The following ELOVL7 variants were observed in gnomAD, a reference collection of about 807,000 sequenced individuals.
The protein encoded by ELOVL7 is ELOVL fatty acid elongase 7.
ELOVL7 carries 27 observed loss-of-function variants against 35.7 expected under a neutral mutation model. The observed-to-expected ratio is 0.76, with a 90% CI of 0.56 to 1.04. The LOEUF (loss-of-function observed/expected upper bound fraction) is 1.04. Ranked by LOEUF, ELOVL7 falls within the 50% of genes least tolerant of loss-of-function variation. ELOVL7 has a pLI of 0.00. For missense variants in ELOVL7, 327 were observed against 340.8 expected (o/e 0.96, Z 0.32); for synonymous variants, 113 against 114.6 (o/e 0.99, Z 0.09).
chr5:60,760,129 T>C (rs1016814850), intron 7 of ELOVL7, among the ~76,000 whole-genome samples: 10 of 152,214 alleles, frequency 6.6e-5, no homozygotes, highest in Middle Eastern at 3.2e-3. Context: ...AGCAGCATGA[T>C]TTATAGTCCT....
intron 1 of ELOVL7, among the ~76,000 whole-genome samples, chr5:60,825,247 G>C (rs912413172): frequency 3.3e-5 from 5 of 152,028 alleles, no homozygotes; most frequent in Non-Finnish European, 7.4e-5. Flanking sequence ...AACACACCAA[G>C]AATGCCCTGC....
In ELOVL7 at chr5:60,754,805, A is replaced by C. The variant is rs1400067550; in HGVS notation, c.665T>G (p.Ile222Arg). The C allele has an allele frequency of 4.3e-6, 7 of 1,614,060 alleles. No individual in the cohort carries two copies. The East Asian group carries it at 1.1e-4, about 26-fold the overall frequency. The change falls in exon 9 of 9, where the codon ATA (isoleucine) becomes AGA (arginine). Residue 222 changes from isoleucine (I) to arginine (R), a missense_variant. Ile to Arg is a moderately conservative substitution (Grantham distance 97). Transcript: ENST00000508821. ...LVQFVIVAIH[I>R]SQFFFMEDCK... ...ATCCTCCATGAAAAAGAACTGGCTT[A>C]TGTGGATGGCGACAATAACAAACTG...
intron 4 of ELOVL7, among the ~76,000 whole-genome samples, chr5:60,769,946 G>A (rs972182806): frequency 1.3e-5 from 2 of 152,022 alleles, no homozygotes; most frequent in African/African-American, 4.8e-5. Flanking sequence ...AGCTACTTGG[G>A]AGGCTGAGGT....
At chr5:60,814,719 G>A (rs1360445443) in intron 1 of ELOVL7, among the ~76,000 whole-genome samples, 1 of 152,198 alleles carries the variant, frequency 6.6e-6, no homozygotes, top group Non-Finnish European at 1.5e-5. Flanking sequence ...TAGAGGAAGT[G>A]TTCAAAGTTC....
At chr5:60,796,528 A>G (rs531083693) in intron 2 of ELOVL7, among the ~76,000 whole-genome samples, 10 of 152,342 alleles carry the variant, frequency 6.6e-5, no homozygotes, top group Non-Finnish European at 1.0e-4. Flanking sequence ...GAAATTGCCA[A>G]ACGTCCCCTG....
At chr5:60,755,214 T>C (rs1015125613) in intron 8 of ELOVL7, among the ~76,000 whole-genome samples, 6 of 152,324 alleles carry the variant, frequency 3.9e-5, no homozygotes, top group African/African-American at 9.6e-5. Flanking sequence ...TTCAGTATGA[T>C]TTCAATTTCA....
chr5:60,756,994 T>A lies in ELOVL7; in HGVS notation c.636+515A>T, dbSNP rs1052538672. Among the ~76,000 whole-genome samples, 6 of 152,272 alleles carry A rather than the reference T, an allele frequency of 3.9e-5. 1 individual carries two copies. Among genetic ancestry groups the A allele is most frequent in the Admixed American group, 6.5e-5 (1 of 15,296 alleles). On this transcript the variant is annotated intron_variant, in intron 8 of 8. Coordinates refer to ENST00000508821, the MANE Select transcript of ELOVL7 (RefSeq NM_024930.3). The stretch of plus-strand genomic sequence containing the variant: ...CTGGCTCTTTCAAACATTGCTTATA[T>A]AAGGGCAGTATTCAAATTTAGGTAA...
intron 8 of ELOVL7, 145 bp from the exon 9 acceptor site, chr5:60,754,978 G>GGT (rs1741449861): frequency 1.5e-6 from 1 of 681,068 alleles, no homozygotes; most frequent in Admixed American, 2.9e-5. Flanking sequence ...CCCTGAGAGT[G>GGT]ATAATGGGTG....
At chr5:60,804,950 A>G (rs896889259) in intron 1 of ELOVL7, among the ~76,000 whole-genome samples, 1 of 152,250 alleles carries the variant, frequency 6.6e-6, no homozygotes. Context: ...TCTGGCAGGT[A>G]AAAGGCACCT....
chr5:60,784,120 A>T (rs1249730381), intron 3 of ELOVL7: 1 of 1,510,982 alleles, frequency 6.6e-7, no homozygotes, highest in Non-Finnish European at 8.9e-7. Flanking sequence ...CTTTTCCATC[A>T]GCTGCTTCTA....
chr5:60,807,248 TG>T (rs766296339), intron 1 of ELOVL7, among the ~76,000 whole-genome samples: 17 of 151,970 alleles, frequency 1.1e-4, no homozygotes, highest in Non-Finnish European at 1.8e-4. Flanking sequence ...CAGATAAAAA[TG>T]CCTTAAAGGG....
In ELOVL7 at chr5:60,751,954, C is replaced by A. The variant is rs1471624585; in HGVS notation, c.*2670G>T. 6.6e-6 allele frequency: 1 copy of A among 152,020 alleles called. No individual in the cohort carries two copies. Among genetic ancestry groups the A allele is most frequent in the Non-Finnish European group, 1.5e-5 (1 of 68,014 alleles). 9.4% of individuals were successfully genotyped at this position (152,020 alleles called of 1,614,324 possible). On this transcript the variant is annotated 3_prime_UTR_variant, in exon 9 of 9. Transcript: ENST00000508821. ...TACTTAAGGCTGTAAATGGCAAAGT[C>A]CCATAGATATTTAAAAATCTATATT...
Position 60,813,324 on chromosome 5 carries a change from C to T in ELOVL7, c.-85-14094G>A, listed in dbSNP as rs190403304. Among the ~76,000 whole-genome samples, 268 of 152,316 alleles carry T rather than the reference C, an allele frequency of 1.8e-3. 7 individuals are homozygous for T. Among genetic ancestry groups the T allele is most frequent in the Admixed American group, 0.015 (230 of 15,310 alleles). ...CTAACAACCAGAACTTCGGTTGACA[C>T]GTGTATTACTATAACTGGGCCTGGA... is the stretch of plus-strand genomic sequence containing the variant. On this transcript the variant is annotated intron_variant, in intron 1 of 8. Coordinates refer to ENST00000508821, the MANE Select transcript of ELOVL7 (RefSeq NM_024930.3).
At chr5:60,762,333 A>G (rs2112142803) in intron 7 of ELOVL7, among the ~76,000 whole-genome samples, 1 of 151,332 alleles carries the variant, frequency 6.6e-6, no homozygotes, top group Admixed American at 6.6e-5. Context: ...ATTGAAGTAT[A>G]TCATATTTAA....
intron 1 of ELOVL7, among the ~76,000 whole-genome samples, chr5:60,828,177 C>A (rs1746284360): frequency 6.6e-6 from 1 of 152,036 alleles, no homozygotes; most frequent in African/African-American, 2.4e-5. Context: ...ATTAACAGGA[C>A]CCCTTTGACC....
At chr5:60,778,143 CA>C (rs1262292866) in intron 3 of ELOVL7, among the ~76,000 whole-genome samples, 3 of 152,182 alleles carry the variant, frequency 2.0e-5, no homozygotes, top group African/African-American at 7.2e-5. Context: ...TTGCTTTTAA[CA>C]ATGGCAAGCT....
chr5:60,758,085 C>T (rs1741655138), intron 7 of ELOVL7, among the ~76,000 whole-genome samples: 1 of 152,104 alleles, frequency 6.6e-6, no homozygotes, highest in Admixed American at 6.5e-5. Flanking sequence ...CAGAACATTT[C>T]CAACACCACA....
intron 1 of ELOVL7, among the ~76,000 whole-genome samples, chr5:60,804,580 GTCTC>G (rs941008168): frequency 1.3e-5 from 2 of 152,190 alleles, no homozygotes; most frequent in African/African-American, 4.8e-5. Context: ...CAACTGGGAA[GTCTC>G]TCTATCAGAA....
intron 1 of ELOVL7, among the ~76,000 whole-genome samples, chr5:60,832,369 A>ATT (rs879262823): frequency 6.8e-6 from 1 of 146,510 alleles, no homozygotes. Flanking sequence ...GGATTGATAG[A>ATT]TTTTTTTTTT....
Sources: allele counts gnomAD v4.1 joint callset (sites outside exome capture counted in the v4.1 genomes callset), GRCh38; gene constraint gnomAD v4.1.1; transcripts MANE v1.5; gene names NCBI Gene and HGNC (gene_info 2026-07-23, HGNC 2026-07-21).